SORBS2: variants seen among roughly 807,000 people sequenced by gnomAD.
SORBS2 encodes the protein sorbin and SH3 domain-containing protein 2.
In SORBS2, 46 loss-of-function variants were observed where a neutral mutation model predicts 97.7. That is an observed-to-expected ratio of 0.47 (90% CI 0.37 to 0.60). The LOEUF (loss-of-function observed/expected upper bound fraction) is 0.60, where lower values mean the gene tolerates loss of function less well. Among genes scored for constraint, SORBS2 ranks in the 20% least tolerant of loss-of-function variants. SORBS2 has a pLI of 0.00. For synonymous variants in SORBS2, 476 were observed against 473.4 expected, an observed-to-expected ratio of 1.01 and a Z score of -0.07; for missense variants, 1,316 against 1,282.3, an observed-to-expected ratio of 1.03 and a Z score of -0.40.
At chr4:185,820,592 GGGA>G (rs2099196176) in intron 1 of SORBS2, among the ~76,000 whole-genome samples, 1 of 152,198 alleles carries the variant, frequency 6.6e-6, no homozygotes, top group Non-Finnish European at 1.5e-5. Flanking sequence ...ACAGAGGCTA[GGGA>G]GCAGCGTGCG....
chr4:185,623,025 A>C lies in SORBS2; in HGVS notation c.2104T>G (p.Cys702Gly). 6.2e-7 allele frequency: 1 copy of C among 1,614,154 alleles called. No homozygotes were observed. Among genetic ancestry groups the C allele is most frequent in the Non-Finnish European group, 8.5e-7 (1 of 1,180,028 alleles). The change falls in exon 7 of 15, where the codon TGT becomes GGT. Residue 702 changes from cysteine to glycine, a missense_variant. Coordinates refer to ENST00000418609, the Ensembl canonical transcript of SORBS2. The surrounding 1 kb of genome is among the most constrained non-coding windows in gnomAD (Gnocchi z 6.4). ...CCGCAGTCATTCTGGTAGGGTGGAC[A>C]ATGAATAGCACCATCGGGAGGCAGT...
upstream of SORBS2, among the ~76,000 whole-genome samples, chr4:185,660,468 A>G (rs1040747012): frequency 6.6e-6 from 1 of 152,218 alleles, no homozygotes; most frequent in African/African-American, 2.4e-5. Context: ...CTCTAAAAGG[A>G]CATCATTGTA....
At chr4:185,707,987 C>A (rs986878476) in intron 2 of SORBS2, among the ~76,000 whole-genome samples, 1 of 152,168 alleles carries the variant, frequency 6.6e-6, no homozygotes, top group South Asian at 2.1e-4. Flanking sequence ...TCACAAACAT[C>A]CCTGAGCACT....
intron 2 of SORBS2, among the ~76,000 whole-genome samples, chr4:185,733,239 A>G (rs1421975336): frequency 6.6e-6 from 1 of 152,256 alleles, no homozygotes; most frequent in Non-Finnish European, 1.5e-5. Flanking sequence ...AAGGGGTAAG[A>G]GAGCTAAATA....
chr4:185,900,813 G>A (rs113683789), intron 1 of SORBS2, among the ~76,000 whole-genome samples: 1 of 152,044 alleles, frequency 6.6e-6, no homozygotes, highest in African/African-American at 2.4e-5. Flanking sequence ...GAGACAGAGA[G>A]AATTATATTT....
At chr4:185,776,017 A>G (rs2098998197) in intron 1 of SORBS2, 1 of 152,250 alleles carries the variant, frequency 6.6e-6, no homozygotes, top group African/African-American at 2.4e-5. Context: ...CCACAGGCCA[A>G]TGAAGAAATC....
At position 185,649,446 on chromosome 4, in the gene SORBS2, C is replaced by A. The variant is rs368089045; in HGVS notation, c.281+21G>T. 278 of 1,541,262 alleles carry A rather than the reference C, an allele frequency of 1.8e-4. 1 individual carries two copies. The African/African-American group carries it at 3.5e-3, about 19-fold the overall frequency. On this transcript the variant is annotated intron_variant, in intron 3 of 14. Coordinates refer to ENST00000418609, the Ensembl canonical transcript of SORBS2. ...TTTATCCTAAGCGAAACATAGGCCA[C>A]CCTGGGGGGAAATGCCTTACTTTTC...
intron 1 of SORBS2, among the ~76,000 whole-genome samples, chr4:185,884,380 C>G (rs944372832): frequency 1.4e-4 from 21 of 152,022 alleles, no homozygotes; most frequent in Admixed American, 2.0e-4. Context: ...GTGATTGGGA[C>G]TTTGAGTGAC....
chr4:185,666,301 A>G, intron 4 of SORBS2: 1 of 584,470 alleles, frequency 1.7e-6, no homozygotes, highest in South Asian at 1.7e-5. Flanking sequence ...CATCGGTTTT[A>G]TTTGCAAGCA....
chr4:185,688,840 C>T (rs1489916373), intron 2 of SORBS2, among the ~76,000 whole-genome samples: 1 of 151,030 alleles, frequency 6.6e-6, no homozygotes, highest in South Asian at 2.1e-4. Flanking sequence ...TTTTCAGTCA[C>T]TTTTGATCAA....
At chr4:185,911,618 G>A (rs768063308) in intron 1 of SORBS2, among the ~76,000 whole-genome samples, 6 of 152,094 alleles carry the variant, frequency 3.9e-5, no homozygotes, top group African/African-American at 1.4e-4. Context: ...CATCTAAGTC[G>A]GGATGTATCT....
At chr4:185,627,135 A>C (rs774305217) in intron 5 of SORBS2, 116 bp from the exon 18 acceptor site, 72 of 790,084 alleles carry the variant, frequency 9.1e-5, no homozygotes, top group Non-Finnish European at 4.5e-5. Context: ...TCTATCCCCA[A>C]AACTGCATTG....
At chr4:185,649,523 T>C in exon 3 of SORBS2, 1 of 1,603,688 alleles carries the variant, frequency 6.2e-7, no homozygotes. Context: ...GTGGAACATG[T>C]GGGGGAGGCA....
At chr4:185,784,430 G>C (rs2099046726) in intron 1 of SORBS2, among the ~76,000 whole-genome samples, 1 of 152,140 alleles carries the variant, frequency 6.6e-6, no homozygotes, top group African/African-American at 2.4e-5. Context: ...GCGCCAGGCT[G>C]TCCTTTTCTT....
intron 1 of SORBS2, among the ~76,000 whole-genome samples, chr4:185,943,294 A>C (rs1407886616): frequency 6.6e-6 from 1 of 152,234 alleles, no homozygotes; most frequent in Non-Finnish European, 1.5e-5. Context: ...TTACCTAATG[A>C]TTGTAAAAGG....
At chr4:185,700,190 A>G (rs28516669) in intron 2 of SORBS2, among the ~76,000 whole-genome samples, 8,878 of 152,282 alleles carry the variant, frequency 0.058, 501 homozygotes, top group East Asian at 0.22. Context: ...GCTTTAATGC[A>G]ATTGTTGAAA....
chr4:185,627,074 A>C, intron 5 of SORBS2, 55 bp from the exon 18 acceptor site: 1 of 1,523,222 alleles, frequency 6.6e-7, no homozygotes. Flanking sequence ...TCGGGTGTGC[A>C]CCAGAAAAAC....
intron 1 of SORBS2, among the ~76,000 whole-genome samples, chr4:185,801,707 G>C (rs945031028): frequency 3.3e-5 from 5 of 151,884 alleles, no homozygotes; most frequent in African/African-American, 4.8e-5. Context: ...TGATGCTCTT[G>C]AGTTGTAAAC....
intron 1 of SORBS2, among the ~76,000 whole-genome samples, chr4:185,884,454 T>C (rs2099238353): frequency 6.6e-6 from 1 of 152,354 alleles, no homozygotes; most frequent in East Asian, 1.9e-4. Context: ...TGTGCTGTTT[T>C]TTAAAATAAA....
Sources: allele counts gnomAD v4.1 joint callset (sites outside exome capture counted in the v4.1 genomes callset), GRCh38; gene constraint gnomAD v4.1.1; non-coding constraint Gnocchi (gnomAD v3.1); transcripts MANE v1.5; gene names NCBI Gene and HGNC (gene_info 2026-07-23, HGNC 2026-07-21).